The following TEX26 variants were observed in gnomAD, a reference collection of about 807,000 sequenced individuals.
TEX26 encodes testis expressed 26, also known as testis-expressed protein 26.
In TEX26, 34 loss-of-function variants were observed where a neutral mutation model predicts 35.3. That is an observed-to-expected ratio of 0.96 (90% CI 0.73 to 1.28). TEX26 has a LOEUF of 1.28. Ranked by LOEUF, TEX26 falls within the 50% of genes most tolerant of loss-of-function variation. TEX26 has a pLI of 0.00. For synonymous variants in TEX26, 136 were observed against 111.8 expected (o/e 1.22, Z -1.36); for missense variants, 371 against 330.1 (o/e 1.12, Z -0.96).
At chr13:30,957,082 T>TCTACACAC in intron 4 of TEX26, 53 bp downstream of exon 4, 1 of 1,568,840 alleles carries the variant, frequency 6.4e-7, no homozygotes, top group Non-Finnish European at 8.7e-7. Flanking sequence ...GGCCCTGGAG[T>TCTACACAC]TGCAGTGGTC....
At chr13:30,938,992 C>T (rs564012948) in intron 1 of TEX26, among the ~76,000 whole-genome samples, 2 of 152,320 alleles carry the variant, frequency 1.3e-5, no homozygotes, top group Non-Finnish European at 2.9e-5. Flanking sequence ...CATTACAAGA[C>T]ATGAATTAGA....
intron 4 of TEX26, among the ~76,000 whole-genome samples, chr13:30,961,622 A>T (rs1418303746): frequency 1.3e-5 from 2 of 152,162 alleles, no homozygotes; most frequent in Non-Finnish European, 2.9e-5. Flanking sequence ...CAGGGATACA[A>T]TCCATTGAGT....
chr13:30,934,188 G>A (rs547901536), intron 1 of TEX26, among the ~76,000 whole-genome samples: 71 of 152,290 alleles, frequency 4.7e-4, no homozygotes, highest in Non-Finnish European at 9.1e-4. Context: ...TGATCACCAG[G>A]TCTCTTTGAT....
intron 1 of TEX26, among the ~76,000 whole-genome samples, chr13:30,937,762 T>G (rs1298817293): frequency 1.3e-5 from 2 of 152,190 alleles, no homozygotes; most frequent in Non-Finnish European, 2.9e-5. Flanking sequence ...TTCAGTTATC[T>G]GACTAAGGGG....
chr13:30,960,424 T>A (rs1270355173), intron 4 of TEX26, among the ~76,000 whole-genome samples: 1 of 152,132 alleles, frequency 6.6e-6, no homozygotes, highest in African/African-American at 2.4e-5. Flanking sequence ...TTTGTATTTT[T>A]AGTAGAGTCA....
intron 2 of TEX26, among the ~76,000 whole-genome samples, chr13:30,951,511 C>A (rs1408248379): frequency 6.6e-6 from 1 of 151,918 alleles, no homozygotes; most frequent in Non-Finnish European, 1.5e-5. Context: ...TCTATTCAGC[C>A]CTTTTTTAAA....
intron 5 of TEX26, among the ~76,000 whole-genome samples, chr13:30,966,881 C>T (rs73455605): frequency 0.05 from 7,576 of 152,224 alleles, 622 homozygotes; most frequent in African/African-American, 0.17. Context: ...AGAACCTTGT[C>T]GCTGCAGCTC....
chr13:30,932,835 GGTCCTGTT>G, intron 1 of TEX26, 59 bp downstream of exon 1: 1 of 1,576,290 alleles, frequency 6.3e-7, no homozygotes, highest in Non-Finnish European at 8.6e-7. Flanking sequence ...CCGGGGAAAG[GGTCCTGTT>G]GAGAAAAAGG....
At chr13:30,962,916 G>A (rs953593314) in intron 4 of TEX26, among the ~76,000 whole-genome samples, 6 of 151,648 alleles carry the variant, frequency 4.0e-5, no homozygotes, top group East Asian at 1.9e-4. Flanking sequence ...TCTGCCTCCC[G>A]GGTTCATGCC....
In TEX26 at chr13:30,974,864, G is replaced by A. The variant is rs551797464; in HGVS notation, c.827G>A (p.Arg276His). ...LSYKDRQIIDRFIRTHCDTNK... is the reference protein window; with the variant it reads ...LSYKDRQIIDHFIRTHCDTNK... ...TTTTCAGATAGACAAATTATTGATC[G>A]CTTTATTCGTACTCACTGTGACACT... is the stretch of plus-strand genomic sequence containing the variant. Residue 276 changes from arginine (R) to histidine (H), a missense_variant, in exon 7 of 7, where the codon CGC (arginine) becomes CAC (histidine). Coordinates refer to ENST00000380473, the MANE Select transcript of TEX26 (RefSeq NM_152325.3). The A allele has an allele frequency of 2.6e-5, 40 of 1,558,038 alleles. No homozygotes were observed. The South Asian group carries it at 3.6e-4, about 14-fold the overall frequency.
intron 2 of TEX26, among the ~76,000 whole-genome samples, chr13:30,940,494 T>C (rs1056225593): frequency 6.6e-6 from 1 of 151,320 alleles, no homozygotes; most frequent in African/African-American, 2.4e-5. Context: ...CCACCACACC[T>C]GGCTAATTTT....
chr13:30,941,496 C>CT (rs1228614961), intron 2 of TEX26, among the ~76,000 whole-genome samples: 2 of 152,100 alleles, frequency 1.3e-5, no homozygotes, highest in Admixed American at 6.5e-5. Context: ...AAAATTTTAA[C>CT]TTTTTTATTT....
intron 1 of TEX26, among the ~76,000 whole-genome samples, chr13:30,939,168 T>C (rs564118759): frequency 6.6e-6 from 1 of 152,228 alleles, no homozygotes; most frequent in Non-Finnish European, 1.5e-5. Flanking sequence ...TCCACATGTA[T>C]GCAAAGAAAC....
intron 2 of TEX26, among the ~76,000 whole-genome samples, chr13:30,949,593 T>G (rs1287456665): frequency 1.3e-5 from 2 of 152,066 alleles, no homozygotes; most frequent in African/African-American, 2.4e-5. Flanking sequence ...GATTTGGGTC[T>G]GATATGATTA....
At chr13:30,932,871 G>A in intron 1 of TEX26, 95 bp downstream of exon 1, 2 of 1,381,162 alleles carry the variant, frequency 1.4e-6, no homozygotes, top group Non-Finnish European at 2.0e-6. Context: ...GTATTTAAGG[G>A]TGTGGCATCG....
intron 2 of TEX26, among the ~76,000 whole-genome samples, chr13:30,948,092 GT>G (rs1171984263): frequency 6.6e-6 from 1 of 152,120 alleles, no homozygotes; most frequent in African/African-American, 2.4e-5. Flanking sequence ...TGGCTGTATA[GT>G]ATTCCATGGT....
In TEX26 at chr13:30,974,972, C is replaced by T; in HGVS notation, c.*65C>T. The T allele has an allele frequency of 8.9e-7, 1 of 1,126,178 alleles. No individual in the cohort carries two copies. Among genetic ancestry groups the T allele is most frequent in the Non-Finnish European group, 1.3e-6 (1 of 799,860 alleles). 69.8% of individuals were successfully genotyped at this position (1,126,178 alleles called of 1,614,324 possible). On this transcript the variant is annotated 3_prime_UTR_variant, in exon 7 of 7. Transcript: ENST00000380473. ...ATGGAAGCACGAGGACATTCCTAGT[C>T]ATTTTCTCAATTATCAAGGAAAAAT...
intron 1 of TEX26, among the ~76,000 whole-genome samples, chr13:30,939,318 G>C (rs375556250): frequency 1.3e-5 from 2 of 152,172 alleles, no homozygotes; most frequent in African/African-American, 4.8e-5. Flanking sequence ...AAGTCATTCC[G>C]TGTGTCTATA....
chr13:30,973,495 A>C (rs536018672), intron 6 of TEX26: 1 of 152,374 alleles, frequency 6.6e-6, no homozygotes, highest in South Asian at 2.1e-4. Context: ...TACACAAAAG[A>C]TTAGTGAATT....
Sources: allele counts gnomAD v4.1 joint callset (sites outside exome capture counted in the v4.1 genomes callset), GRCh38; gene constraint gnomAD v4.1.1; transcripts MANE v1.5; gene names NCBI Gene and HGNC (gene_info 2026-07-23, HGNC 2026-07-21).